The following PRKCE variants were observed in gnomAD, a reference collection of about 807,000 sequenced individuals.
PRKCE encodes the protein protein kinase C epsilon.
In PRKCE, 16 loss-of-function variants were observed where a neutral mutation model predicts 85.4. The observed-to-expected ratio is 0.19, with a 90% CI of 0.13 to 0.28. The LOEUF (loss-of-function observed/expected upper bound fraction) is 0.28. Ranked by LOEUF, PRKCE falls within the 10% of genes least tolerant of loss-of-function variation. The probability of loss-of-function intolerance (pLI) is 1.00; values close to 1 mark genes in which losing one functional copy is unlikely to be tolerated. For missense variants in PRKCE, 573 were observed against 975.2 expected, an observed-to-expected ratio of 0.59 and a Z score of 5.49; for synonymous variants, 388 against 371.5, an observed-to-expected ratio of 1.04 and a Z score of -0.51.
chr2:46,179,979 A>G (rs1333383194), intron 14 of PRKCE, among the ~76,000 whole-genome samples: 1 of 152,240 alleles, frequency 6.6e-6, no homozygotes, highest in Non-Finnish European at 1.5e-5. Flanking sequence ...AATTTTTTCT[A>G]GCAGATATCT....
intron 10 of PRKCE, among the ~76,000 whole-genome samples, chr2:46,052,981 G>T (rs1029309142): frequency 2.0e-5 from 3 of 152,186 alleles, no homozygotes; most frequent in Non-Finnish European, 4.4e-5. Flanking sequence ...ACTCAAAGTG[G>T]ATTATAAACC....
intron 2 of PRKCE, among the ~76,000 whole-genome samples, chr2:45,949,402 GTTT>G (rs35033431): frequency 0.089 from 10,580 of 118,702 alleles, 423 homozygotes; most frequent in South Asian, 0.22. Flanking sequence ...TATTTTGCTT[GTTT>G]TTTTTTTTTT....
chr2:45,839,623 G>T (rs914565238), intron 1 of PRKCE, among the ~76,000 whole-genome samples: 17 of 152,238 alleles, frequency 1.1e-4, no homozygotes, highest in African/African-American at 4.1e-4. Flanking sequence ...TTGCAGGGTT[G>T]TGCAGGGCTG....
chr2:45,919,358 C>A (rs1024469637), intron 2 of PRKCE, among the ~76,000 whole-genome samples: 13 of 152,220 alleles, frequency 8.5e-5, no homozygotes, highest in Admixed American at 4.6e-4. Context: ...CTTTCCAAAA[C>A]ATGTGATCTC....
chr2:46,175,343 A>T (rs1429695806), intron 14 of PRKCE, among the ~76,000 whole-genome samples: 1 of 152,200 alleles, frequency 6.6e-6, no homozygotes, highest in African/African-American at 2.4e-5. Context: ...ACTGAGACCA[A>T]ATAGAAAGTT....
chr2:45,972,407 T>C (rs1702169221), intron 2 of PRKCE, among the ~76,000 whole-genome samples: 1 of 152,246 alleles, frequency 6.6e-6, no homozygotes, highest in Non-Finnish European at 1.5e-5. Context: ...TTTTTTCCAT[T>C]CTTCAGGTTG....
intron 1 of PRKCE, among the ~76,000 whole-genome samples, chr2:45,734,331 C>T (rs968870641): frequency 2.7e-5 from 4 of 150,942 alleles, no homozygotes; most frequent in Non-Finnish European, 5.9e-5. Context: ...CGCTACTGCA[C>T]TCCATCCTGG....
chr2:46,069,683 C>G (rs1191202825), intron 10 of PRKCE, among the ~76,000 whole-genome samples: 1 of 152,146 alleles, frequency 6.6e-6, no homozygotes, highest in South Asian at 2.1e-4. Context: ...AATAGCATCA[C>G]TGTTATAATA....
At chr2:45,725,915 A>G (rs1168032283) in intron 1 of PRKCE, among the ~76,000 whole-genome samples, 2 of 152,160 alleles carry the variant, frequency 1.3e-5, no homozygotes, top group Admixed American at 6.5e-5. Flanking sequence ...AACATTATCA[A>G]AAATTTGGAG....
chr2:45,828,366 C>T (rs1193465869), intron 1 of PRKCE, among the ~76,000 whole-genome samples: 7 of 152,148 alleles, frequency 4.6e-5, no homozygotes, highest in Admixed American at 6.5e-5. Flanking sequence ...CACCACTGCT[C>T]TCGAGTCTGG....
In PRKCE at chr2:46,139,769, A is replaced by G. The variant is rs2104455835; in HGVS notation, c.1593-5324A>G. On this transcript the variant is annotated intron_variant, in intron 11 of 14. Transcript: ENST00000306156. The surrounding 1 kb of genome is among the most constrained non-coding windows in gnomAD (Gnocchi z 5.2). ...AGAGAGAGAATATATAGAAGGAGGAAAGAAAAAGAAGAGTAAGGCTCTTCC... is the reference window on the plus strand; with the variant it reads ...AGAGAGAGAATATATAGAAGGAGGAGAGAAAAAGAAGAGTAAGGCTCTTCC... Among the ~76,000 whole-genome samples, 1 of 152,050 alleles carries G rather than the reference A, an allele frequency of 6.6e-6. No homozygotes were observed. The highest frequency in any genetic ancestry group is 1.9e-4 in the East Asian group (1 of 5,176).
chr2:45,795,262 C>G (rs1454756573), intron 1 of PRKCE, among the ~76,000 whole-genome samples: 1 of 152,148 alleles, frequency 6.6e-6, no homozygotes, highest in Non-Finnish European at 1.5e-5. Flanking sequence ...CCCGCACCAC[C>G]ACATCCATGC....
chr2:46,125,343 C>G (rs933577070), intron 11 of PRKCE, among the ~76,000 whole-genome samples: 1 of 152,188 alleles, frequency 6.6e-6, no homozygotes, highest in African/African-American at 2.4e-5. Context: ...TCTCTAGAAA[C>G]TCCTTTGTAC....
chr2:45,825,488 TC>T (rs1689871100), intron 1 of PRKCE, among the ~76,000 whole-genome samples: 1 of 152,224 alleles, frequency 6.6e-6, no homozygotes. Flanking sequence ...AGTTCAGTTT[TC>T]CTACTTTTTT....
At chr2:45,756,069 C>A (rs1382204783) in intron 1 of PRKCE, among the ~76,000 whole-genome samples, 1 of 152,210 alleles carries the variant, frequency 6.6e-6, no homozygotes, top group African/African-American at 2.4e-5. Flanking sequence ...ACACAATGAA[C>A]TGCCAAGGAC....
chr2:45,696,296 A>G (rs1678145539), intron 1 of PRKCE, among the ~76,000 whole-genome samples: 1 of 152,144 alleles, frequency 6.6e-6, no homozygotes, highest in South Asian at 2.1e-4. Flanking sequence ...CTTTATTTCT[A>G]TTGAATACAT....
intron 2 of PRKCE, among the ~76,000 whole-genome samples, chr2:45,872,833 G>T (rs1337489570): frequency 1.3e-5 from 2 of 152,186 alleles, no homozygotes; most frequent in African/African-American, 4.8e-5. Flanking sequence ...AATGGCTGTG[G>T]TGTTGGGGTG....
In PRKCE at chr2:45,885,002, T is replaced by TTTTTG. The variant is rs375477829; in HGVS notation, c.412+41941_412+41942insTTGTT. ...ATATATATATATATATATATATATA[T>TTTTTG]TTGTTGTTGTTGTTGTTGTTTTACC... is the stretch of plus-strand genomic sequence containing the variant. On this transcript the variant is annotated intron_variant, in intron 2 of 14. Coordinates refer to ENST00000306156, the MANE Select transcript of PRKCE (RefSeq NM_005400.3). 6.2e-3 allele frequency among the ~76,000 whole-genome samples: 608 copies of TTTTTG among 97,628 alleles called. 39 individuals are homozygous for TTTTTG. Among genetic ancestry groups the TTTTTG allele is most frequent in the Non-Finnish European group, 1.0e-2 (474 of 47,592 alleles). The allele number at this position is 97,628 out of a possible 152,430, so 64.0% of individuals were successfully genotyped here.
At chr2:46,077,550 GACC>G (rs1558427392) in intron 10 of PRKCE, among the ~76,000 whole-genome samples, 2 of 152,160 alleles carry the variant, frequency 1.3e-5, no homozygotes, top group South Asian at 4.1e-4. Flanking sequence ...TTTGGAGAAA[GACC>G]ACAAGAAGGT....
Sources: allele counts gnomAD v4.1 joint callset (sites outside exome capture counted in the v4.1 genomes callset), GRCh38; gene constraint gnomAD v4.1.1; non-coding constraint Gnocchi (gnomAD v3.1); transcripts MANE v1.5; gene names NCBI Gene and HGNC (gene_info 2026-07-23, HGNC 2026-07-21).